APTX: variants seen among roughly 807,000 people sequenced by gnomAD.
The protein encoded by APTX is aprataxin, also known as forkhead-associated domain histidine triad-like protein.
Under a neutral mutation model 42.3 loss-of-function variants are expected in APTX, and 33 were observed. The observed-to-expected ratio is 0.78, with a 90% CI of 0.59 to 1.04. The LOEUF (loss-of-function observed/expected upper bound fraction) is 1.04. Ranked by LOEUF, APTX falls within the 50% of genes least tolerant of loss-of-function variation. The pLI is 0.00. For synonymous variants in APTX, 130 were observed against 146.7 expected (o/e 0.89, Z 0.82); for missense variants, 421 against 415.1 (o/e 1.01, Z -0.12).
chr9:33,023,310 G>A (rs1239602841), intron 1 of APTX, among the ~76,000 whole-genome samples: 3 of 151,354 alleles, frequency 2.0e-5, no homozygotes, highest in Non-Finnish European at 4.4e-5. Context: ...TGCAACCTCC[G>A]CCTCCCAGGT....
At chr9:33,001,017 T>C (rs1164187320) in intron 1 of APTX, among the ~76,000 whole-genome samples, 1 of 151,624 alleles carries the variant, frequency 6.6e-6, no homozygotes, top group Non-Finnish European at 1.5e-5. Flanking sequence ...CTGGCTAGTT[T>C]TGTATTTTTA....
At chr9:33,017,764 T>C (rs10971326) in intron 1 of APTX, among the ~76,000 whole-genome samples, 10,725 of 152,148 alleles carry the variant, frequency 0.07, 511 homozygotes, top group Non-Finnish European at 0.11. Context: ...CTCTCCAAAC[T>C]CCTTTGGTTA....
rs1227788812 is a variant in APTX at position 33,013,483 on chromosome 9, A to G, written c.-5+11540T>C. On this transcript the variant is annotated intron_variant, in intron 1 of 6. Coordinates refer to the APTX transcript ENST00000436040. ...CTTCATCACAACTTCTTCACGATGA[A>G]GACAACATCATGACTAGGCAGGTAG... is the stretch of plus-strand genomic sequence containing the variant. Among the ~76,000 whole-genome samples the G allele has an allele frequency of 2.0e-5, 3 of 152,210 alleles. No homozygotes were observed. The South Asian group carries it at 6.2e-4, about 32-fold the overall frequency.
rs1441507703 is a variant in APTX, at chr9:32,983,331, T to C, written c.770+1300A>G. On this transcript the variant is annotated intron_variant, in intron 6 of 7. Coordinates refer to ENST00000379817, the MANE Select transcript of APTX (RefSeq NM_001195248.2). ...CTCTAGAAGAGACAAAAACTATCTA[T>C]GCTGAAGGAAATAAAAGCAATGCTT... Among the ~76,000 whole-genome samples the C allele has an allele frequency of 1.1e-4, 17 of 152,198 alleles. No homozygotes were observed. In the South Asian group the frequency reaches 1.7e-3, roughly 15 times the overall value.
upstream of APTX, chr9:33,001,674 C>G: frequency 6.3e-7 from 1 of 1,587,580 alleles, no homozygotes; most frequent in Non-Finnish European, 8.6e-7. Context: ...AGTGACGTCA[C>G]CAGCACCTCT....
upstream of APTX, among the ~76,000 whole-genome samples, chr9:33,005,179 T>C (rs910180044): frequency 6.6e-6 from 1 of 152,168 alleles, no homozygotes; most frequent in Non-Finnish European, 1.5e-5. Flanking sequence ...TGATCAAATA[T>C]AAGATTCCCA....
chr9:32,994,026 A>T (rs12378260), intron 1 of APTX, among the ~76,000 whole-genome samples: 1 of 152,048 alleles, frequency 6.6e-6, no homozygotes, highest in African/African-American at 2.4e-5. Context: ...GCCCAGCTCT[A>T]TATCTTTCAT....
intron 6 of APTX, among the ~76,000 whole-genome samples, chr9:32,981,637 G>C (rs979549360): frequency 1.3e-5 from 2 of 152,096 alleles, no homozygotes; most frequent in African/African-American, 2.4e-5. Flanking sequence ...AGATGTTGAA[G>C]GCGTATCTAA....
chr9:32,994,658 C>CA (rs1474814178), intron 1 of APTX, among the ~76,000 whole-genome samples: 1 of 152,216 alleles, frequency 6.6e-6, no homozygotes, highest in Admixed American at 6.5e-5. Flanking sequence ...TAGTAATTCT[C>CA]ACAATATTTC....
intron 1 of APTX, among the ~76,000 whole-genome samples, chr9:33,020,551 C>G (rs1305840375): frequency 2.0e-5 from 3 of 152,214 alleles, no homozygotes; most frequent in Admixed American, 6.5e-5. Context: ...AGCTCTAAAA[C>G]AAGGGTTACT....
At chr9:32,988,391 T>C (rs1832700086) in intron 2 of APTX, among the ~76,000 whole-genome samples, 1 of 152,146 alleles carries the variant, frequency 6.6e-6, no homozygotes, top group African/African-American at 2.4e-5. Flanking sequence ...TGAGGCAGCT[T>C]CAATTAATCC....
intron 6 of APTX, 76 bp from the exon 7 acceptor site, chr9:32,974,637 G>A (rs1423066933): frequency 1.7e-5 from 14 of 815,406 alleles, no homozygotes; most frequent in Non-Finnish European, 3.0e-5. Context: ...AAGAGTATGA[G>A]TACATTGTAT....
exon 1 of APTX, chr9:33,025,040 A>C (rs1372870726): frequency 6.6e-6 from 1 of 152,284 alleles, no homozygotes; most frequent in Non-Finnish European, 1.5e-5. Context: ...AGACTTCCGC[A>C]CTCTCAGGCT....
chr9:32,977,730 C>G (rs780033311), intron 6 of APTX, among the ~76,000 whole-genome samples: 11 of 151,988 alleles, frequency 7.2e-5, no homozygotes, highest in Non-Finnish European at 1.0e-4. Context: ...ACTCGGACAG[C>G]TGAGGCATGA....
intron 1 of APTX, chr9:33,001,228 T>G (rs1587605749): frequency 1.6e-6 from 2 of 1,251,048 alleles, no homozygotes; most frequent in Admixed American, 2.5e-5. Context: ...ACGAAGCATT[T>G]CTGGCGGAAA....
At chr9:33,004,047 A>G (rs537594170), upstream of APTX, among the ~76,000 whole-genome samples, 74 of 152,376 alleles carry the variant, frequency 4.9e-4, no homozygotes, top group African/African-American at 1.7e-3. Flanking sequence ...ATGAATGCAT[A>G]AAGAAAATGT....
chr9:33,019,132 A>G (rs1420956148), intron 1 of APTX, among the ~76,000 whole-genome samples: 1 of 152,224 alleles, frequency 6.6e-6, no homozygotes, highest in Admixed American at 6.5e-5. Context: ...AAATTTTAAC[A>G]ATAGGTTAAG....
chr9:32,973,238 C>T lies in APTX; in HGVS notation c.*260G>A. 1.7e-6 allele frequency: 1 copy of T among 580,002 alleles called. No homozygotes were observed. The highest frequency in any genetic ancestry group is 3.2e-6 in the Non-Finnish European group (1 of 309,034). 35.9% of individuals were successfully genotyped at this position (580,002 alleles called of 1,614,324 possible). ...CTTTGCTCCCAATGGTCAGACCTGA[C>T]ATGGGTCCTTCTGAAGATGGTGGGT... On this transcript the variant is annotated 3_prime_UTR_variant, in exon 8 of 8. Coordinates refer to ENST00000379817, the MANE Select transcript of APTX (RefSeq NM_001195248.2).
intron 1 of APTX, among the ~76,000 whole-genome samples, chr9:32,995,253 A>G (rs1337573479): frequency 6.6e-6 from 1 of 152,160 alleles, no homozygotes; most frequent in Non-Finnish European, 1.5e-5. Flanking sequence ...TAAATTGAAA[A>G]CCTTCTGAAA....
Sources: allele counts gnomAD v4.1 joint callset (sites outside exome capture counted in the v4.1 genomes callset), GRCh38; gene constraint gnomAD v4.1.1; transcripts MANE v1.5; gene names NCBI Gene and HGNC (gene_info 2026-07-23, HGNC 2026-07-21).